Variants in DNAAF4 observed in about 807,000 individuals in gnomAD.
The protein encoded by DNAAF4 is dynein axonemal assembly factor 4.
In DNAAF4, 43 loss-of-function variants were observed where a neutral mutation model predicts 51.8. That is an observed-to-expected ratio of 0.83 (90% CI 0.65 to 1.07). The LOEUF (loss-of-function observed/expected upper bound fraction) is 1.07, where lower values mean the gene tolerates loss of function less well. Ranked by LOEUF, DNAAF4 falls within the 50% of genes least tolerant of loss-of-function variation. The pLI is 0.00. For synonymous variants in DNAAF4, 194 were observed against 165.6 expected, an observed-to-expected ratio of 1.17 and a Z score of -1.32; for missense variants, 581 against 493.0, an observed-to-expected ratio of 1.18 and a Z score of -1.69.
At chr15:55,441,789 A>G (rs2057718874) in intron 6 of DNAAF4, among the ~76,000 whole-genome samples, 1 of 152,150 alleles carries the variant, frequency 6.6e-6, no homozygotes. Context: ...TCTATGTGCC[A>G]CATTTTCTTT....
intron 7 of DNAAF4, chr15:55,418,449 C>T: frequency 6.6e-7 from 1 of 1,521,218 alleles, no homozygotes; most frequent in Non-Finnish European, 8.8e-7. Context: ...AATTATACTC[C>T]AAAGGAGCAA....
In DNAAF4 at chr15:55,434,898, T is replaced by A. The variant is rs757319155; in HGVS notation, c.1047+7A>T. 2.5e-6 allele frequency: 4 copies of A among 1,600,374 alleles called. No individual in the cohort carries two copies. Among genetic ancestry groups the A allele is most frequent in the Non-Finnish European group, 3.4e-6 (4 of 1,176,060 alleles). On this transcript the variant is annotated splice_region_variant and intron_variant, in intron 8 of 9. Coordinates refer to ENST00000321149, the MANE Select transcript of DNAAF4 (RefSeq NM_130810.4). ...AAGCACCATATATCATACATAGATATCCATACCTTAGAAGAATCTTCAATA... is the reference window on the plus strand; with the variant it reads ...AAGCACCATATATCATACATAGATAACCATACCTTAGAAGAATCTTCAATA...
chr15:55,465,366 G>C (rs76516273), intron 5 of DNAAF4, among the ~76,000 whole-genome samples: 6,115 of 145,812 alleles, frequency 0.042, 421 homozygotes, highest in African/African-American at 0.15. Context: ...CAACTAATGA[G>C]AAGATAAAGA....
chr15:55,452,880 TG>T (rs1244436039), intron 5 of DNAAF4, among the ~76,000 whole-genome samples: 3 of 151,818 alleles, frequency 2.0e-5, no homozygotes, highest in Non-Finnish European at 2.9e-5. Context: ...GGTGGGGAGG[TG>T]GAAATGAAAC....
chr15:55,478,453 C>T (rs2058364875), intron 4 of DNAAF4, among the ~76,000 whole-genome samples: 1 of 152,176 alleles, frequency 6.6e-6, no homozygotes, highest in Non-Finnish European at 1.5e-5. Context: ...TGTCAACAAA[C>T]AGGTCAACCT....
intron 5 of DNAAF4, among the ~76,000 whole-genome samples, chr15:55,461,056 C>T (rs890937914): frequency 1.3e-5 from 2 of 151,666 alleles, no homozygotes; most frequent in African/African-American, 4.8e-5. Context: ...TGAGCCACTG[C>T]GCCCAGCCAT....
chr15:55,434,379 C>G (rs1230173362), intron 8 of DNAAF4, among the ~76,000 whole-genome samples: 1 of 151,858 alleles, frequency 6.6e-6, no homozygotes, highest in Non-Finnish European at 1.5e-5. Flanking sequence ...TCTCAAGAAG[C>G]TACCTAAGAG....
At chr15:55,459,075 C>CAA (rs35467433) in intron 5 of DNAAF4, among the ~76,000 whole-genome samples, 62 of 71,950 alleles carry the variant, frequency 8.6e-4, no homozygotes, top group South Asian at 6.5e-3. Context: ...GACTCTGTCT[C>CAA]AAAAAAAAAA....
At chr15:55,457,106 T>C (rs956197755) in intron 5 of DNAAF4, among the ~76,000 whole-genome samples, 7 of 152,116 alleles carry the variant, frequency 4.6e-5, no homozygotes, top group African/African-American at 1.4e-4. Context: ...AGGCAGGGAC[T>C]GGTGAGGCCT....
At chr15:55,443,168 G>A in intron 6 of DNAAF4, 6 of 1,610,346 alleles carry the variant, frequency 3.7e-6, no homozygotes, top group Non-Finnish European at 5.1e-6. Flanking sequence ...TTCATAAACT[G>A]GTCAAAGAGC....
intron 6 of DNAAF4, among the ~76,000 whole-genome samples, chr15:55,448,988 T>G (rs953682703): frequency 6.6e-6 from 1 of 151,618 alleles, no homozygotes; most frequent in African/African-American, 2.4e-5. Flanking sequence ...TTATGTCTTT[T>G]ATTTTTTATT....
intron 4 of DNAAF4, among the ~76,000 whole-genome samples, chr15:55,474,564 CT>C (rs1254601628): frequency 2.0e-5 from 3 of 151,818 alleles, no homozygotes; most frequent in Admixed American, 2.0e-4. Context: ...CTTATACAAA[CT>C]TATAAAAACA....
chr15:55,431,689 C>T (rs192886921), intron 9 of DNAAF4, among the ~76,000 whole-genome samples: 93 of 151,868 alleles, frequency 6.1e-4, no homozygotes, highest in Admixed American at 5.0e-3. Context: ...CGTGTTAGCC[C>T]GGATGGTCTT....
intron 4 of DNAAF4, among the ~76,000 whole-genome samples, chr15:55,483,149 T>C (rs2058435142): frequency 6.6e-6 from 1 of 152,166 alleles, no homozygotes; most frequent in South Asian, 2.1e-4. Flanking sequence ...TAGGCTGTAG[T>C]GCAGTGGCTC....
At chr15:55,480,869 C>T (rs150141677) in intron 4 of DNAAF4, among the ~76,000 whole-genome samples, 1 of 152,286 alleles carries the variant, frequency 6.6e-6, no homozygotes, top group African/African-American at 2.4e-5. Flanking sequence ...CCACCCAAAT[C>T]TCACCTTGGA....
chr15:55,501,660 C>A (rs536477264), intron 1 of DNAAF4, among the ~76,000 whole-genome samples: 2 of 151,798 alleles, frequency 1.3e-5, no homozygotes, highest in South Asian at 4.2e-4. Context: ...CAGGTGTAAG[C>A]CACCACGCCG....
chr15:55,452,246 A>G (rs1161798602), intron 5 of DNAAF4, among the ~76,000 whole-genome samples: 17 of 50,606 alleles, frequency 3.4e-4, no homozygotes, highest in Admixed American at 1.1e-3. Context: ...TGTCTCACTA[A>G]AAAAAAAAAA....
chr15:55,473,147 C>G (rs760906282), intron 4 of DNAAF4, among the ~76,000 whole-genome samples: 1 of 129,422 alleles, frequency 7.7e-6, no homozygotes, highest in African/African-American at 3.0e-5. Flanking sequence ...GCCTGGGTAA[C>G]AGAGTGAGAG....
At chr15:55,420,069 TTGTAA>T (rs2057375569) in intron 7 of DNAAF4, among the ~76,000 whole-genome samples, 1 of 152,158 alleles carries the variant, frequency 6.6e-6, no homozygotes, top group African/African-American at 2.4e-5. Flanking sequence ...GTGATAATTT[TTGTAA>T]TGTAAAGTAG....
Sources: gnomAD v4.1 joint callset for allele counts (sites outside exome capture counted in the v4.1 genomes callset) on GRCh38, gnomAD v4.1.1 for gene constraint, MANE v1.5 for transcripts, NCBI Gene and HGNC (gene_info 2026-07-23, HGNC 2026-07-21) for gene names.